The following PCDHGB2 variants were observed in gnomAD, a reference collection of about 807,000 sequenced individuals.
The protein encoded by PCDHGB2 is protocadherin gamma subfamily B, 2.
PCDHGB2 carries 55 observed loss-of-function variants against 59.3 expected under a neutral mutation model. The ratio of observed to expected loss-of-function variants is 0.93; its 90% CI spans 0.75 to 1.16. The LOEUF (loss-of-function observed/expected upper bound fraction) is 1.16, where lower values mean the gene tolerates loss of function less well. Ranked by LOEUF, PCDHGB2 falls within the 50% of genes most tolerant of loss-of-function variation. The pLI is 0.00. For synonymous variants in PCDHGB2, 516 were observed against 512.0 expected, an observed-to-expected ratio of 1.01 and a Z score of -0.11; for missense variants, 1,228 against 1,198.5, an observed-to-expected ratio of 1.02 and a Z score of -0.36.
rs1021096537 is a variant in PCDHGB2, at chr5:141,511,383, T to C, written c.*210T>C. 2 of 1,155,330 alleles carry C rather than the reference T, an allele frequency of 1.7e-6. No homozygotes were observed. Among genetic ancestry groups the C allele is most frequent in the Non-Finnish European group, 2.4e-6 (2 of 841,000 alleles). The allele number at this position is 1,155,330 out of a possible 1,614,324, so 71.6% of individuals were successfully genotyped here. ...GTTGAATATGCAAAAGCAGTTCCGC[T>C]GGGAACCCCCATCCAATCAACTGCT... is the stretch of plus-strand genomic sequence containing the variant. On this transcript the variant is annotated 3_prime_UTR_variant, in exon 4 of 4. Transcript: ENST00000522605.
In PCDHGB2 at chr5:141,477,967, C is replaced by T. The variant is rs756216038; in HGVS notation, c.2422-16840C>T. Reference sequence around the variant, plus strand: ...GTCTCTTGGGATCCCCTAACCAGAGCCTTTTTGCCATAGGGCTGCACACTG... The same window carrying T: ...GTCTCTTGGGATCCCCTAACCAGAGTCTTTTTGCCATAGGGCTGCACACTG... On this transcript the variant is annotated intron_variant, in intron 1 of 3. Coordinates refer to ENST00000522605, the MANE Select transcript of PCDHGB2 (RefSeq NM_018923.3). This position sits in a 1 kb window ranked among gnomAD's most constrained non-coding sequence, Gnocchi z 4.9. The T allele has an allele frequency of 8.7e-6, 14 of 1,614,032 alleles. No individual in the cohort carries two copies. In the South Asian group the frequency reaches 1.2e-4, roughly 14 times the overall value.
chr5:141,421,831 G>C lies in PCDHGB2; in HGVS notation c.2421+59275G>C, dbSNP rs201283981. ...AGAGCTAGTACTGGAGGGAAGCCTG[G>C]ACCGAGAGAAAGAGGCTGCTCACCT... On this transcript the variant is annotated intron_variant, in intron 1 of 3. Transcript: ENST00000522605. 68 of 1,613,784 alleles carry C rather than the reference G, an allele frequency of 4.2e-5. 1 individual carries two copies. The East Asian group carries it at 1.4e-3, about 33-fold the overall frequency.
chr5:141,380,542 T>A lies in PCDHGB2; in HGVS notation c.2421+17986T>A, dbSNP rs182715146. 2.0e-5 allele frequency among the ~76,000 whole-genome samples: 3 copies of A among 152,362 alleles called. No individual in the cohort carries two copies. The East Asian group carries it at 5.8e-4, about 29-fold the overall frequency. On this transcript the variant is annotated intron_variant, in intron 1 of 3. Transcript: ENST00000522605. ...ATGAAATGATTTCAATTTGATACAA[T>A]GAGCTTATGTTAGATTTTATTAAAC...
intron 2 of PCDHGB2, among the ~76,000 whole-genome samples, chr5:141,498,114 G>C (rs1336064850): frequency 6.6e-6 from 1 of 152,196 alleles, no homozygotes; most frequent in East Asian, 1.9e-4. Flanking sequence ...CGTATAATAG[G>C]GATTTGATTT....
rs2097422953 is a variant in PCDHGB2 at position 141,431,840 on chromosome 5, C to A, written c.2422-62967C>A. The A allele has an allele frequency of 1.9e-6, 3 of 1,614,248 alleles. No homozygotes were observed. The highest frequency in any genetic ancestry group is 1.6e-4 in the Middle Eastern group (1 of 6,062). ...CGCCAGCTCGGTTCCCGAAAACTCT[C>A]CCAGAGGGACATTAATTGCCCTTTT... On this transcript the variant is annotated intron_variant, in intron 1 of 3. Transcript: ENST00000522605. The surrounding 1 kb of genome is among the most constrained non-coding windows in gnomAD (Gnocchi z 4.8).
chr5:141,461,213 T>C (rs1457474925), intron 1 of PCDHGB2, among the ~76,000 whole-genome samples: 1 of 152,168 alleles, frequency 6.6e-6, no homozygotes, highest in African/African-American at 2.4e-5. Flanking sequence ...AGAATCTCCA[T>C]ACTGTTTTCC....
At chr5:141,423,256 G>A (rs751894091) in intron 1 of PCDHGB2, 3 of 1,613,816 alleles carry the variant, frequency 1.9e-6, no homozygotes, top group South Asian at 2.2e-5. Context: ...GGCGGACCTC[G>A]GCAGCCTCGA....
At chr5:141,391,452 C>T (rs1004301347) in intron 1 of PCDHGB2, 13 of 152,114 alleles carry the variant, frequency 8.5e-5, no homozygotes, top group African/African-American at 3.1e-4. Context: ...AGCTGGAACT[C>T]AGGCTCATGC....
intron 1 of PCDHGB2, chr5:141,404,805 C>T (rs770534822): frequency 1.7e-5 from 28 of 1,613,842 alleles, no homozygotes; most frequent in Admixed American, 6.7e-5. Context: ...GGGCTCTTCT[C>T]GGTGGGGCTG....
rs1377364370 is a variant in PCDHGB2, at chr5:141,477,489, C to T, written c.2422-17318C>T. 1 of 1,614,048 alleles carries T rather than the reference C, an allele frequency of 6.2e-7. No homozygotes were observed. Among genetic ancestry groups the T allele is most frequent in the Non-Finnish European group, 8.5e-7 (1 of 1,180,044 alleles). On this transcript the variant is annotated intron_variant, in intron 1 of 3. Coordinates refer to ENST00000522605, the MANE Select transcript of PCDHGB2 (RefSeq NM_018923.3). This position sits in a 1 kb window ranked among gnomAD's most constrained non-coding sequence, Gnocchi z 4.9. ...ATCAATGACAACCCTCCACAATCTT[C>T]TCAATCTTCCTACGACGTTTACATT...
chr5:141,388,424 G>T, intron 1 of PCDHGB2: 2 of 1,613,812 alleles, frequency 1.2e-6, no homozygotes, highest in Non-Finnish European at 1.7e-6. Flanking sequence ...ATTTCTCACT[G>T]ATAAATAAAG....
chr5:141,494,749 G>C (rs573811540), intron 1 of PCDHGB2, 58 bp from the exon 2 acceptor site: 3 of 1,612,818 alleles, frequency 1.9e-6, no homozygotes, highest in South Asian at 2.2e-5. Context: ...CTAGGGGCTC[G>C]GGTGACATTC....
chr5:141,400,376 T>C (rs534277122), intron 1 of PCDHGB2: 1 of 1,614,070 alleles, frequency 6.2e-7, no homozygotes, highest in East Asian at 2.2e-5. Flanking sequence ...TCCTACAACC[T>C]ATGTGTTGCA....
At chr5:141,393,307 A>C (rs1394490963) in intron 1 of PCDHGB2, 3 of 1,613,594 alleles carry the variant, frequency 1.9e-6, no homozygotes, top group South Asian at 2.2e-5. Context: ...GTGGGCGTGA[A>C]CTCCCTCCAG....
At chr5:141,505,302 G>A (rs1733345360) in intron 2 of PCDHGB2, 91 bp from the exon 3 acceptor site, 1 of 1,592,596 alleles carries the variant, frequency 6.3e-7, no homozygotes, top group Admixed American at 1.7e-5. Flanking sequence ...TAGGGTTAGG[G>A]TACTAGGTTT....
chr5:141,417,647 C>G, intron 1 of PCDHGB2: 8 of 812,384 alleles, frequency 9.8e-6, no homozygotes, highest in Non-Finnish European at 1.5e-5. Flanking sequence ...ATCCCTCAGC[C>G]TCTAGCCTGG....
rs73265834 is a variant in PCDHGB2, at chr5:141,362,106, G to C, written c.1971G>C (p.Thr657=). The change falls in exon 1 of 4, where the codon ACG becomes ACC. Residue 657 remains threonine, a synonymous_variant. Transcript: ENST00000522605. ...RDGGQPPLSA[T]ATLHLIFADS... The stretch of plus-strand genomic sequence containing the variant: ...GAGGACAGCCGCCACTCTCCGCTAC[G>C]GCCACGCTGCACCTAATCTTCGCGG... 130,724 of 1,570,082 alleles carry C rather than the reference G, an allele frequency of 0.083. 8,914 individuals are homozygous for C. The highest frequency in any genetic ancestry group is 0.28 in the African/African-American group (20,226 of 72,576).
At chr5:141,415,614 G>A (rs1476229913) in intron 1 of PCDHGB2, 1 of 1,612,128 alleles carries the variant, frequency 6.2e-7, no homozygotes, top group Admixed American at 1.7e-5. Flanking sequence ...TGGTTCCAGT[G>A]AGTTTTATTT....
chr5:141,388,341 A>G, intron 1 of PCDHGB2: 1 of 1,614,036 alleles, frequency 6.2e-7, no homozygotes, highest in Non-Finnish European at 8.5e-7. Flanking sequence ...CACACGATTT[A>G]TATTAGGATC....
Sources: gnomAD v4.1 joint callset for allele counts (sites outside exome capture counted in the v4.1 genomes callset) on GRCh38, gnomAD v4.1.1 for gene constraint, Gnocchi (gnomAD v3.1) non-coding constraint, MANE v1.5 for transcripts, NCBI Gene and HGNC (gene_info 2026-07-23, HGNC 2026-07-21) for gene names.